The following TWF1 variants were observed in gnomAD, a reference collection of about 807,000 sequenced individuals.
The protein encoded by TWF1 is twinfilin-1.
A neutral mutation model predicts 47.9 loss-of-function variants in TWF1; 14 were observed. The ratio of observed to expected loss-of-function variants is 0.29; its 90% CI spans 0.19 to 0.46. TWF1 has a LOEUF of 0.46. Ranked by LOEUF, TWF1 falls within the 20% of genes least tolerant of loss-of-function variation. The pLI is 1.00. For missense variants in TWF1, 281 were observed against 409.3 expected (o/e 0.69, Z 2.70); for synonymous variants, 96 against 139.2 (o/e 0.69, Z 2.18).
At chr12:43,796,813 T>C (rs1942559004) in intron 8 of TWF1, among the ~76,000 whole-genome samples, 163 bp downstream of exon 8, 1 of 152,054 alleles carries the variant, frequency 6.6e-6, no homozygotes, top group African/African-American at 2.4e-5. Context: ...GAGATGGGGA[T>C]CATGACAGGT....
intron 5 of TWF1, chr12:43,798,686 A>T (rs1052587337): frequency 8.0e-7 from 1 of 1,242,574 alleles, no homozygotes; most frequent in African/African-American, 1.5e-5. Flanking sequence ...AATATGATAG[A>T]TCCTTGCTAC....
chr12:43,800,587 C>T, intron 3 of TWF1, 57 bp from the exon 4 acceptor site: 1 of 1,335,980 alleles, frequency 7.5e-7, no homozygotes, highest in East Asian at 2.3e-5. Flanking sequence ...ATTACAAAAG[C>T]AAGCACATTC....
At chr12:43,798,566 C>T (rs1242589510) in intron 5 of TWF1, 1 of 1,525,056 alleles carries the variant, frequency 6.6e-7, no homozygotes, top group Admixed American at 2.0e-5. Flanking sequence ...AATGCATACC[C>T]CAATATGATC....
intron 2 of TWF1, among the ~76,000 whole-genome samples, chr12:43,803,319 T>G (rs1285502233): frequency 6.6e-6 from 1 of 152,136 alleles, no homozygotes; most frequent in Non-Finnish European, 1.5e-5. Context: ...GTATCAGAAC[T>G]CCCAATTGTA....
intron 4 of TWF1, 119 bp downstream of exon 4, chr12:43,800,316 T>TGAA: frequency 3.0e-6 from 2 of 673,414 alleles, no homozygotes; most frequent in Non-Finnish European, 5.0e-6. Context: ...ATACAGTATT[T>TGAA]CTCTTATTCT....
rs1420744722 is a variant in TWF1 at position 43,806,160 on chromosome 12, T to A, written c.25+61A>T. 5.2e-6 allele frequency: 8 copies of A among 1,534,426 alleles called. No homozygotes were observed. The South Asian group carries it at 9.5e-5, about 18-fold the overall frequency. The stretch of plus-strand genomic sequence containing the variant: ...TCCAGCCCTGCCGGTCCTGCAGCCC[T>A]CCCGGCTCTCCCGGCTCTCCCGGAA... On this transcript the variant is annotated intron_variant, in intron 1 of 8. Coordinates refer to ENST00000395510, the MANE Select transcript of TWF1 (RefSeq NM_002822.5).
chr12:43,802,507 A>G, intron 2 of TWF1, 43 bp from the exon 3 acceptor site: 1 of 1,419,278 alleles, frequency 7.0e-7, no homozygotes, highest in Non-Finnish European at 9.8e-7. Flanking sequence ...ATGGTTTGAG[A>G]TATCAAGTGG....
intron 8 of TWF1, among the ~76,000 whole-genome samples, chr12:43,796,743 TAAATCTTATTTAAAGTTA>T (rs1942557517): frequency 6.6e-6 from 1 of 152,098 alleles, no homozygotes; most frequent in Admixed American, 6.5e-5. Context: ...AACAGAACTT[TAAATCTTATTTAAAGTTA>T]AATAGCCACA....
At chr12:43,800,830 A>G (rs529463753) in intron 3 of TWF1, among the ~76,000 whole-genome samples, 21 of 152,300 alleles carry the variant, frequency 1.4e-4, no homozygotes, top group African/African-American at 4.6e-4. Context: ...AGCTCACTGC[A>G]ACCTCTGCCT....
intron 2 of TWF1, 43 bp from the exon 3 acceptor site, chr12:43,802,507 A>T (rs1421714145): frequency 1.4e-6 from 2 of 1,419,160 alleles, no homozygotes. Flanking sequence ...ATGGTTTGAG[A>T]TATCAAGTGG....
intron 6 of TWF1, 28 bp from the exon 7 acceptor site, chr12:43,797,480 TTAAAA>T (rs1565699344): frequency 6.5e-7 from 1 of 1,527,552 alleles, no homozygotes; most frequent in Non-Finnish European, 8.9e-7. Flanking sequence ...AATATGTTCA[TTAAAA>T]CCAGATATAA....
Position 43,806,282 on chromosome 12 carries a change from G to A in TWF1, c.-37C>T, listed in dbSNP as rs932513300. On this transcript the variant is annotated 5_prime_UTR_variant, in exon 1 of 9. Coordinates refer to ENST00000395510, the MANE Select transcript of TWF1 (RefSeq NM_002822.5). Reference sequence around the variant, plus strand: ...CTAGCTCCCGGCTCCGGCGCTGAGTGCAGCCAGCGGCCCCGGCCGGCGGCC... The same window carrying A: ...CTAGCTCCCGGCTCCGGCGCTGAGTACAGCCAGCGGCCCCGGCCGGCGGCC... 1.3e-5 allele frequency: 20 copies of A among 1,484,624 alleles called. No individual in the cohort carries two copies. Among genetic ancestry groups the A allele is most frequent in the Admixed American group, 1.1e-4 (5 of 44,114 alleles). 92.0% of individuals were successfully genotyped at this position (1,484,624 alleles called of 1,614,324 possible).
At position 43,797,929 on chromosome 12, in the gene TWF1, C is replaced by T. The variant is rs996390768; in HGVS notation, c.484-96G>A. On this transcript the variant is annotated intron_variant, in intron 5 of 8. Coordinates refer to ENST00000395510, the MANE Select transcript of TWF1 (RefSeq NM_002822.5). ...ACCTCTATAAAATAGTATCATTCAA[C>T]CCTAGCCCAACCTATAATTAAAATT... 78 of 1,262,700 alleles carry T rather than the reference C, an allele frequency of 6.2e-5. No individual in the cohort carries two copies. The African/African-American group carries it at 9.2e-4, about 15-fold the overall frequency. The allele number at this position is 1,262,700 out of a possible 1,614,324, so 78.2% of individuals were successfully genotyped here.
At position 43,797,108 on chromosome 12, in the gene TWF1, A is replaced by G. The variant is rs1942566448; in HGVS notation, c.761-11T>C. On this transcript the variant is annotated splice_polypyrimidine_tract_variant and intron_variant, in intron 7 of 8. Transcript: ENST00000395510. ...TTGAATAAATAAAAACTGTAAGTTCAAATAATAACAAATATAATTAGCATA... is the reference window on the plus strand; with the variant it reads ...TTGAATAAATAAAAACTGTAAGTTCGAATAATAACAAATATAATTAGCATA... 6.4e-7 allele frequency: 1 copy of G among 1,574,154 alleles called. No homozygotes were observed.
rs1196486238 is a variant in TWF1, at chr12:43,806,075, G to T, written c.25+146C>A. ...GGCAGCGCCCGGGAAGCAGGAGCGC[G>T]GAGAGGCGCCGAGGCCCGGCTCGCC... On this transcript the variant is annotated intron_variant, in intron 1 of 8. Transcript: ENST00000395510. The T allele has an allele frequency of 2.0e-6, 3 of 1,517,472 alleles. No individual in the cohort carries two copies. The African/African-American group carries it at 4.2e-5, about 21-fold the overall frequency. 94.0% of individuals were successfully genotyped at this position (1,517,472 alleles called of 1,614,324 possible). A position where few individuals can be genotyped will look rare whatever the true frequency, so the allele number is the denominator to read the frequency against.
Position 43,806,266 on chromosome 12 carries a change from G to A in TWF1, c.-21C>T, listed in dbSNP as rs1021204487. The A allele has an allele frequency of 1.5e-5, 23 of 1,520,342 alleles. No individual in the cohort carries two copies. The highest frequency in any genetic ancestry group is 7.9e-5 in the East Asian group (3 of 37,796). The allele number at this position is 1,520,342 out of a possible 1,614,324, so 94.2% of individuals were successfully genotyped here. A position where few individuals can be genotyped will look rare whatever the true frequency, so the allele number is the denominator to read the frequency against. ...GACATGGCGGCGGCCGCTAGCTCCC[G>A]GCTCCGGCGCTGAGTGCAGCCAGCG... On this transcript the variant is annotated 5_prime_UTR_variant, in exon 1 of 9. Coordinates refer to ENST00000395510, the MANE Select transcript of TWF1 (RefSeq NM_002822.5).
chr12:43,800,406 C>T lies in TWF1; in HGVS notation c.378+29G>A, dbSNP rs746800698. The T allele has an allele frequency of 2.3e-5, 36 of 1,542,638 alleles. 1 individual carries two copies. The highest frequency in any genetic ancestry group is 3.2e-5 in the Non-Finnish European group (36 of 1,124,420). Reference sequence around the variant, plus strand: ...TCCTCTTTAATCATTTTAATTGCAACATATAGAATCCACATACAAACATAA... The same window carrying T: ...TCCTCTTTAATCATTTTAATTGCAATATATAGAATCCACATACAAACATAA... On this transcript the variant is annotated intron_variant, in intron 4 of 8. Coordinates refer to ENST00000395510, the MANE Select transcript of TWF1 (RefSeq NM_002822.5).
chr12:43,797,197 T>C (rs1942568655), intron 7 of TWF1, 100 bp from the exon 8 acceptor site: 2 of 1,483,020 alleles, frequency 1.3e-6, no homozygotes, highest in South Asian at 2.6e-5. Flanking sequence ...AGAAACTTCA[T>C]AAAACTACAG....
intron 2 of TWF1, among the ~76,000 whole-genome samples, 188 bp from the exon 3 acceptor site, chr12:43,802,652 T>G (rs80142230): frequency 0.014 from 2,065 of 152,276 alleles, 38 homozygotes; most frequent in African/African-American, 0.048. Context: ...ACTGTTAACT[T>G]TTTATGAACA....
Sources: allele counts gnomAD v4.1 joint callset (sites outside exome capture counted in the v4.1 genomes callset), GRCh38; gene constraint gnomAD v4.1.1; transcripts MANE v1.5; gene names NCBI Gene and HGNC (gene_info 2026-07-23, HGNC 2026-07-21).